ESRP1: variants seen among roughly 807,000 people sequenced by gnomAD.
ESRP1 encodes epithelial splicing regulatory protein 1, also known as RNA-binding motif protein 35A.
Under a neutral mutation model 81.7 loss-of-function variants are expected in ESRP1, and 33 were observed. That is an observed-to-expected ratio of 0.40 (90% CI 0.31 to 0.54). The LOEUF (loss-of-function observed/expected upper bound fraction) is 0.54, where lower values mean the gene tolerates loss of function less well. Among genes scored for constraint, ESRP1 ranks in the 20% least tolerant of loss-of-function variants. The probability of loss-of-function intolerance (pLI) is 0.41; values close to 1 mark genes in which losing one functional copy is unlikely to be tolerated. For synonymous variants in ESRP1, 320 were observed against 303.3 expected (o/e 1.06, Z -0.57); for missense variants, 672 against 833.1 (o/e 0.81, Z 2.38).
intron 13 of ESRP1, among the ~76,000 whole-genome samples, chr8:94,689,810 G>GC (rs1809303126): frequency 3.6e-5 from 2 of 55,332 alleles, no homozygotes; most frequent in Admixed American, 4.5e-4. Context: ...ATGATGCCTG[G>GC]CTTTTTTTTT....
chr8:94,676,460 AC>A (rs1344210593), intron 12 of ESRP1, among the ~76,000 whole-genome samples: 1 of 151,620 alleles, frequency 6.6e-6, no homozygotes, highest in Non-Finnish European at 1.5e-5. Flanking sequence ...GAACAGACTT[AC>A]ACCTACTATG....
rs1249415403 is a variant in ESRP1 at position 94,662,469 on chromosome 8, T to C, written c.590-32T>C. 3.2e-6 allele frequency: 5 copies of C among 1,583,290 alleles called. No homozygotes were observed. The South Asian group carries it at 5.8e-5, about 18-fold the overall frequency. Reference sequence around the variant, plus strand: ...CCTACAACTTTGTCTCCCTAATCACTAAAATGATGACTTTTATGTTCTCAT... The same window carrying C: ...CCTACAACTTTGTCTCCCTAATCACCAAAATGATGACTTTTATGTTCTCAT... On this transcript the variant is annotated intron_variant, in intron 5 of 15. Coordinates refer to ENST00000433389, the MANE Select transcript of ESRP1 (RefSeq NM_017697.4).
Position 94,642,078 on chromosome 8 carries a change from C to G in ESRP1, c.255C>G (p.Leu85=). The G allele has an allele frequency of 6.2e-7, 1 of 1,611,490 alleles. No individual in the cohort carries two copies. The highest frequency in any genetic ancestry group is 1.1e-5 in the South Asian group (1 of 91,018). The stretch of plus-strand genomic sequence containing the variant: ...CGGCGTCGCAGCTGGACCAAGCCCT[C>G]CGACAGGTGACAACCCCGGGTCACG... ...LSSASQLDQA[L]RQFNQSVSNE... is the part of the protein sequence containing the mutation. Residue 85 remains leucine, a synonymous_variant, in exon 2 of 16, where the codon CTC becomes CTG. Coordinates refer to ENST00000433389, the MANE Select transcript of ESRP1 (RefSeq NM_017697.4).
At chr8:94,702,052 T>C (rs1454172719) in intron 15 of ESRP1, among the ~76,000 whole-genome samples, 3 of 152,238 alleles carry the variant, frequency 2.0e-5, no homozygotes, top group Non-Finnish European at 4.4e-5. Context: ...CCCTCCAGCC[T>C]GGACGACAGA....
chr8:94,679,807 A>G (rs111788961), intron 13 of ESRP1, among the ~76,000 whole-genome samples: 2 of 152,204 alleles, frequency 1.3e-5, no homozygotes, highest in Non-Finnish European at 2.9e-5. Context: ...ATACACGTGT[A>G]TGCTTCTAAA....
chr8:94,668,804 T>TGTGTGTGTGTGTGTGG (rs1819155362), intron 10 of ESRP1, among the ~76,000 whole-genome samples: 1 of 151,732 alleles, frequency 6.6e-6, no homozygotes, highest in Admixed American at 6.6e-5. Context: ...TGTGTGTGTG[T>TGTGTGTGTGTGTGTGG]GTGTTTGAGA....
intron 4 of ESRP1, among the ~76,000 whole-genome samples, chr8:94,653,505 C>T (rs534779992): frequency 1.3e-4 from 20 of 152,186 alleles, no homozygotes; most frequent in African/African-American, 1.9e-4. Context: ...ACCAGGTTGT[C>T]GGGTGTCTCA....
At chr8:94,682,243 C>G (rs1468668940) in intron 13 of ESRP1, among the ~76,000 whole-genome samples, 1 of 152,172 alleles carries the variant, frequency 6.6e-6, no homozygotes, top group Non-Finnish European at 1.5e-5. Flanking sequence ...GAATATTCTC[C>G]TTTGCATCAA....
chr8:94,692,711 C>T lies in ESRP1; in HGVS notation c.1855C>T (p.Pro619Ser). The T allele has an allele frequency of 6.2e-7, 1 of 1,613,936 alleles. No homozygotes were observed. Among genetic ancestry groups the T allele is most frequent in the Non-Finnish European group, 8.5e-7 (1 of 1,179,864 alleles). Residue 619 changes from proline to serine, a missense_variant, in exon 14 of 16, where the codon CCT (proline) becomes TCT (serine). By Grantham distance (74) the Pro-to-Ser change is moderately conservative. Coordinates refer to ENST00000433389, the MANE Select transcript of ESRP1 (RefSeq NM_017697.4). ...TTCGCCTAATAGTCTTGGCTACTTC[C>T]CTACAGCTGCTAATCTTAGCGGTGT... Reference protein sequence around the residue: ...PGSPNSLGYFPTAANLSGVPP... With the variant: ...PGSPNSLGYFSTAANLSGVPP...
At position 94,674,349 on chromosome 8, in the gene ESRP1, G is replaced by C. The variant is rs77843571; in HGVS notation, c.1494G>C (p.Ala498=). The change falls in exon 12 of 16, where the codon GCG becomes GCC. Residue 498 remains alanine (A), a synonymous_variant. Coordinates refer to ENST00000433389, the MANE Select transcript of ESRP1 (RefSeq NM_017697.4). ...SGDAFIQMKS[A]DRAFMAAQKC... is the part of the protein sequence containing the mutation. ...ATGCCTTTATCCAGATGAAGTCTGC[G>C]GACAGAGCATTTATGGCTGCACAGA... 6.2e-7 allele frequency: 1 copy of C among 1,613,748 alleles called. No individual in the cohort carries two copies. The highest frequency in any genetic ancestry group is 1.3e-5 in the African/African-American group (1 of 74,890).
chr8:94,644,974 A>G (rs1817774350), intron 3 of ESRP1, among the ~76,000 whole-genome samples: 1 of 152,184 alleles, frequency 6.6e-6, no homozygotes, highest in African/African-American at 2.4e-5. Context: ...AGCCTACATT[A>G]TTTAATAGAA....
chr8:94,647,276 G>C (rs773405826), intron 4 of ESRP1, among the ~76,000 whole-genome samples: 49 of 152,286 alleles, frequency 3.2e-4, no homozygotes, highest in Non-Finnish European at 6.0e-4. Flanking sequence ...TGGGAAGAGG[G>C]TGGAATAAGC....
At chr8:94,691,549 C>G (rs986668667) in intron 13 of ESRP1, among the ~76,000 whole-genome samples, 2 of 152,150 alleles carry the variant, frequency 1.3e-5, no homozygotes, top group African/African-American at 2.4e-5. Flanking sequence ...TGATCACCCC[C>G]CAGTAAGCAA....
chr8:94,692,689 G>A lies in ESRP1; in HGVS notation c.1833G>A (p.Ser611=), dbSNP rs367813636. Residue 611 remains serine, a synonymous_variant, in exon 14 of 16, where the codon TCG becomes TCA. Coordinates refer to ENST00000433389, the MANE Select transcript of ESRP1 (RefSeq NM_017697.4). ...TCTCTCCCTTTAGCCCCCCAGGTTC[G>A]CCTAATAGTCTTGGCTACTTCCCTA... ...YTAYYPSPPG[S]PNSLGYFPTA... The A allele has an allele frequency of 7.3e-5, 117 of 1,613,502 alleles. No homozygotes were observed. Among genetic ancestry groups the A allele is most frequent in the African/African-American group, 6.7e-4 (50 of 74,864 alleles).
chr8:94,665,610 G>C (rs142758991), intron 9 of ESRP1, among the ~76,000 whole-genome samples: 2 of 152,128 alleles, frequency 1.3e-5, no homozygotes, highest in South Asian at 4.2e-4. Context: ...TTGTGCCTCC[G>C]CCTCCGTAGT....
chr8:94,647,131 T>G (rs951837307), intron 4 of ESRP1, among the ~76,000 whole-genome samples: 2 of 152,198 alleles, frequency 1.3e-5, no homozygotes, highest in South Asian at 2.1e-4. Context: ...TTGTGTTACT[T>G]CACGATTTTT....
rs553401371 is a variant in ESRP1, at chr8:94,646,286, T to C, written c.490+4T>C. ...GACGTTGCCACAATGACAGAGTGTA[T>C]CCTTTAAATCATTACTCAAGAATCA... On this transcript the variant is annotated splice_donor_region_variant and intron_variant, in intron 4 of 15. Coordinates refer to ENST00000433389, the MANE Select transcript of ESRP1 (RefSeq NM_017697.4). 1 of 1,539,436 alleles carries C rather than the reference T, an allele frequency of 6.5e-7. No homozygotes were observed. The highest frequency in any genetic ancestry group is 1.4e-5 in the African/African-American group (1 of 72,854).
At chr8:94,678,874 A>G (rs1033046769) in intron 13 of ESRP1, among the ~76,000 whole-genome samples, 22 of 152,204 alleles carry the variant, frequency 1.4e-4, no homozygotes, top group African/African-American at 4.8e-4. Context: ...CTTAGAGTCT[A>G]TATATTTTAA....
intron 2 of ESRP1, 115 bp downstream of exon 2, chr8:94,642,199 C>G (rs1055394728): frequency 7.5e-7 from 1 of 1,336,758 alleles, no homozygotes. Flanking sequence ...GACGCCTGCC[C>G]GGCCGCGTGG....
Sources: allele counts gnomAD v4.1 joint callset (sites outside exome capture counted in the v4.1 genomes callset), GRCh38; gene constraint gnomAD v4.1.1; transcripts MANE v1.5; gene names NCBI Gene and HGNC (gene_info 2026-07-23, HGNC 2026-07-21).